The following BMP2 variants were observed in gnomAD, a reference collection of about 807,000 sequenced individuals.
BMP2 encodes bone morphogenetic protein 2A.
BMP2 carries 2 observed loss-of-function variants against 28.8 expected under a neutral mutation model. The observed-to-expected ratio is 0.07, with a 90% CI of 0.03 to 0.22. The LOEUF is 0.22. BMP2 is among the 10% of genes least tolerant of loss of function. BMP2 has a pLI of 1.00. For synonymous variants in BMP2, 218 were observed against 204.3 expected, an observed-to-expected ratio of 1.07 and a Z score of -0.57; for missense variants, 437 against 517.7, an observed-to-expected ratio of 0.84 and a Z score of 1.51.
At position 6,768,250 on chromosome 20, in the gene BMP2, T is replaced by TG; in HGVS notation, c.-628dup. ...GGTGCTTTCAACTGGCGAGCGCGAATGGGGGTGCACTGGAGTAAGGCAGAG... is the reference window on the plus strand; with the variant it reads ...GGTGCTTTCAACTGGCGAGCGCGAATGGGGGGTGCACTGGAGTAAGGCAGAG... On this transcript the variant is annotated 5_prime_UTR_variant, in exon 1 of 3. The change creates a premature stop within an existing upstream ORF in the 5' untranslated region. Transcript: ENST00000378827. 1 of 397,812 alleles carries TG rather than the reference T, an allele frequency of 2.5e-6. No homozygotes were observed. Among genetic ancestry groups the TG allele is most frequent in the Non-Finnish European group, 4.4e-6 (1 of 225,668 alleles). 24.6% of individuals were successfully genotyped at this position (397,812 alleles called of 1,614,324 possible).
intron 2 of BMP2, among the ~76,000 whole-genome samples, chr20:6,773,450 C>T (rs1054112374): frequency 7.2e-5 from 11 of 152,212 alleles, no homozygotes; most frequent in Non-Finnish European, 1.5e-4. Context: ...TCCAGTGATA[C>T]TTCCTTGGCA....
chr20:6,770,502 G>T, intron 2 of BMP2, 30 bp downstream of exon 2: 1 of 1,547,880 alleles, frequency 6.5e-7, no homozygotes, highest in South Asian at 1.2e-5. Context: ...GTGGGGGCGG[G>T]GAGTCACCCT....
In BMP2 at chr20:6,778,611, G is replaced by A; in HGVS notation, c.713G>A (p.Gly238Asp). 1.2e-6 allele frequency: 2 copies of A among 1,614,038 alleles called. No homozygotes were observed. The highest frequency in any genetic ancestry group is 1.7e-6 in the Non-Finnish European group (2 of 1,179,968). ...GTGGCCCACTTGGAGGAGAAACAAG[G>A]TGTCTCCAAGAGACATGTTAGGATA... ...VEVAHLEEKQGVSKRHVRISR... is the reference protein window; with the variant it reads ...VEVAHLEEKQDVSKRHVRISR... The change falls in exon 3 of 3, where the codon GGT becomes GAT. Residue 238 changes from glycine to aspartate, a missense_variant. Gly to Asp is a moderately conservative substitution (Grantham distance 94). This residue lies in a region of BMP2 where 363 missense variants were observed against 392.8 expected (regional missense o/e 0.92). Coordinates refer to ENST00000378827, the MANE Select transcript of BMP2 (RefSeq NM_001200.4). This position sits in a 1 kb window ranked among gnomAD's most constrained non-coding sequence, Gnocchi z 5.0.
chr20:6,778,540 G>C lies in BMP2; in HGVS notation c.642G>C (p.Met214Ile). Reference protein sequence around the residue: ...WESFDVTPAVMRWTAQGHANH... With the variant: ...WESFDVTPAVIRWTAQGHANH... ...GTTTTGATGTCACCCCCGCTGTGAT[G>C]CGGTGGACTGCACAGGGACACGCCA... The change falls in exon 3 of 3, where the codon ATG becomes ATC. Residue 214 changes from methionine (M) to isoleucine (I), a missense_variant. Physicochemically the swap from Met to Ile is conservative, Grantham distance 10. This residue lies in a region of BMP2 where 363 missense variants were observed against 392.8 expected (regional missense o/e 0.92). Coordinates refer to ENST00000378827, the MANE Select transcript of BMP2 (RefSeq NM_001200.4). The surrounding 1 kb of genome is among the most constrained non-coding windows in gnomAD (Gnocchi z 5.0). The C allele has an allele frequency of 6.2e-7, 1 of 1,614,198 alleles. No homozygotes were observed. The highest frequency in any genetic ancestry group is 8.5e-7 in the Non-Finnish European group (1 of 1,180,020).
chr20:6,769,430 G>A (rs1206997357), intron 1 of BMP2, among the ~76,000 whole-genome samples: 1 of 152,118 alleles, frequency 6.6e-6, no homozygotes, highest in Non-Finnish European at 1.5e-5. Context: ...GCTGACACGT[G>A]CATTAATAGA....
rs1298193834 is a variant in BMP2, at chr20:6,768,433, G to A, written c.-450G>A. 7.6e-6 allele frequency: 3 copies of A among 392,782 alleles called. No homozygotes were observed. The highest frequency in any genetic ancestry group is 4.1e-5 in the African/African-American group (2 of 48,238). The allele number at this position is 392,782 out of a possible 1,614,324, so 24.3% of individuals were successfully genotyped here. A position where few individuals can be genotyped will look rare whatever the true frequency, so the allele number is the denominator to read the frequency against. On this transcript the variant is annotated 5_prime_UTR_variant, in exon 1 of 3. Transcript: ENST00000378827. The stretch of plus-strand genomic sequence containing the variant: ...CCGAGTCCCGGAGCCGGCCCCGCGC[G>A]GGGCCACGCGTCCCTCGGGCGCTGG...
At chr20:6,772,548 A>G (rs910730771) in intron 2 of BMP2, among the ~76,000 whole-genome samples, 10 of 152,318 alleles carry the variant, frequency 6.6e-5, no homozygotes, top group Middle Eastern at 3.4e-3. Context: ...CCACGAAAAA[A>G]GTTTTTGGTA....
intron 1 of BMP2, among the ~76,000 whole-genome samples, chr20:6,769,759 G>T (rs1190142570): frequency 6.6e-6 from 1 of 152,060 alleles, no homozygotes. Context: ...GGGACGCAGG[G>T]TGTCAGATCA....
Position 6,768,698 on chromosome 20 carries a change from T to C in BMP2, c.-185T>C, listed in dbSNP as rs1986316773. 5.0e-6 allele frequency: 2 copies of C among 396,416 alleles called. No homozygotes were observed. Among genetic ancestry groups the C allele is most frequent in the Admixed American group, 4.4e-5 (1 of 22,656 alleles). 24.6% of individuals were successfully genotyped at this position (396,416 alleles called of 1,614,324 possible). A position where few individuals can be genotyped will look rare whatever the true frequency, so the allele number is the denominator to read the frequency against. On this transcript the variant is annotated 5_prime_UTR_variant, in exon 1 of 3. Transcript: ENST00000378827. ...TCGGCCTTGCCCGACACTGAGACGC[T>C]GTTCCCAGCGTGAAAAGAGAGACTG... is the stretch of plus-strand genomic sequence containing the variant.
At chr20:6,775,593 T>A (rs1986484338) in intron 2 of BMP2, among the ~76,000 whole-genome samples, 1 of 152,220 alleles carries the variant, frequency 6.6e-6, no homozygotes, top group Admixed American at 6.5e-5. Context: ...ACTGAGACCT[T>A]GAACCACATG....
Position 6,768,834 on chromosome 20 carries a change from G to A in BMP2, c.-49G>A. Reference sequence around the variant, plus strand: ...CCATGTGGACGCTCTTTCAATGGACGTGTCCCCGCGTGCTTCTTAGACGGA... The same window carrying A: ...CCATGTGGACGCTCTTTCAATGGACATGTCCCCGCGTGCTTCTTAGACGGA... On this transcript the variant is annotated 5_prime_UTR_variant, in exon 1 of 3. It adds an upstream start codon to the 5' untranslated region. Transcript: ENST00000378827. The A allele has an allele frequency of 5.0e-6, 2 of 398,400 alleles. No homozygotes were observed. Among genetic ancestry groups the A allele is most frequent in the Admixed American group, 8.8e-5 (2 of 22,736 alleles). 24.7% of individuals were successfully genotyped at this position (398,400 alleles called of 1,614,324 possible). A position where few individuals can be genotyped will look rare whatever the true frequency, so the allele number is the denominator to read the frequency against.
chr20:6,777,106 T>G (rs752528677), intron 2 of BMP2, among the ~76,000 whole-genome samples: 3 of 151,868 alleles, frequency 2.0e-5, no homozygotes, highest in Non-Finnish European at 4.4e-5. Context: ...AATAATAATG[T>G]TGTACCTTTG....
intron 2 of BMP2, among the ~76,000 whole-genome samples, chr20:6,773,662 C>T (rs1160730773): frequency 6.6e-6 from 1 of 152,154 alleles, no homozygotes; most frequent in Non-Finnish European, 1.5e-5. Flanking sequence ...ACCATGCTCT[C>T]TATTCCTTTA....
rs1986360454 is a variant in BMP2, at chr20:6,770,114, C to T, written c.-7-6C>T. ...CTCGGGTGACTCACGTCGGTCCTGT[C>T]CGCAGGTCGACCATGGTGGCCGGGA... On this transcript the variant is annotated splice_region_variant and splice_polypyrimidine_tract_variant and intron_variant, in intron 1 of 2. Coordinates refer to ENST00000378827, the MANE Select transcript of BMP2 (RefSeq NM_001200.4). The T allele has an allele frequency of 6.5e-7, 1 of 1,531,894 alleles. No homozygotes were observed. The highest frequency in any genetic ancestry group is 8.8e-7 in the Non-Finnish European group (1 of 1,139,412). The allele number at this position is 1,531,894 out of a possible 1,614,324, so 94.9% of individuals were successfully genotyped here.
At chr20:6,777,966 CAG>C (rs1468109897) in intron 2 of BMP2, among the ~76,000 whole-genome samples, 2 of 151,666 alleles carry the variant, frequency 1.3e-5, no homozygotes, top group Admixed American at 1.3e-4. Flanking sequence ...CACCTGGAAG[CAG>C]TATTCATGTA....
chr20:6,778,456 C>T lies in BMP2; in HGVS notation c.558C>T (p.Phe186=). ...AACCTGCAACAGCCAACTCGAAATT[C>T]CCCGTGACCAGACTTTTGGACACCA... The part of the protein sequence containing the change: ...IIKPATANSK[F]PVTRLLDTRL... Residue 186 remains phenylalanine (F), a synonymous_variant, in exon 3 of 3, where the codon TTC becomes TTT. Transcript: ENST00000378827. The surrounding 1 kb of genome is among the most constrained non-coding windows in gnomAD (Gnocchi z 5.0). 1 of 1,614,174 alleles carries T rather than the reference C, an allele frequency of 6.2e-7. No individual in the cohort carries two copies. The highest frequency in any genetic ancestry group is 1.6e-4 in the Middle Eastern group (1 of 6,062).
At chr20:6,771,947 G>A (rs1986408804) in intron 2 of BMP2, among the ~76,000 whole-genome samples, 1 of 152,078 alleles carries the variant, frequency 6.6e-6, no homozygotes, top group African/African-American at 2.4e-5. Flanking sequence ...AGGTAATGCT[G>A]ATTAGAATAC....
rs766649989 is a variant in BMP2 at position 6,778,992 on chromosome 20, A to G, written c.1094A>G (p.Glu365Gly). 6.2e-7 allele frequency: 1 copy of G among 1,613,966 alleles called. No individual in the cohort carries two copies. Among genetic ancestry groups the G allele is most frequent in the Admixed American group, 1.7e-5 (1 of 59,994 alleles). ...CCTAAGGCATGCTGTGTCCCGACAG[A>G]ACTCAGTGCTATCTCGATGCTGTAC... ...KIPKACCVPT[E>G]LSAISMLYLD... The change falls in exon 3 of 3, where the codon GAA (glutamate) becomes GGA (glycine). Residue 365 changes from glutamate to glycine, a missense_variant. Physicochemically the swap from Glu to Gly is moderately conservative, Grantham distance 98. Around this residue, in one of 2 missense-constraint regions of BMP2, gnomAD observed 74 missense variants for 124.9 expected, o/e 0.59. Transcript: ENST00000378827. This position sits in a 1 kb window ranked among gnomAD's most constrained non-coding sequence, Gnocchi z 5.0.
Position 6,767,937 on chromosome 20 carries a change from G to A in BMP2, c.-946G>A, listed in dbSNP as rs1294680959. Reference sequence around the variant, plus strand: ...AGCACCCGGCAGAGCGCGCCACAGCGCCGTGGCCTCTGCTGCCCGGGCTGC... The same window carrying A: ...AGCACCCGGCAGAGCGCGCCACAGCACCGTGGCCTCTGCTGCCCGGGCTGC... On this transcript the variant is annotated 5_prime_UTR_variant, in exon 1 of 3. Coordinates refer to ENST00000378827, the MANE Select transcript of BMP2 (RefSeq NM_001200.4). 26 of 392,308 alleles carry A rather than the reference G, an allele frequency of 6.6e-5. No homozygotes were observed. The highest frequency in any genetic ancestry group is 4.9e-4 in the Admixed American group (11 of 22,486). 24.3% of individuals were successfully genotyped at this position (392,308 alleles called of 1,614,324 possible).
Sources: gnomAD v4.1 joint callset for allele counts (sites outside exome capture counted in the v4.1 genomes callset) on GRCh38, gnomAD v4.1.1 for gene constraint, gnomAD v4.1.1 regional missense constraint, Gnocchi (gnomAD v3.1) non-coding constraint, MANE v1.5 for transcripts, NCBI Gene and HGNC (gene_info 2026-07-23, HGNC 2026-07-21) for gene names.